Variants in RABGEF1 observed in about 807,000 individuals in gnomAD.
RABGEF1 encodes rab5 GDP/GTP exchange factor.
RABGEF1 carries 26 observed loss-of-function variants against 57.3 expected under a neutral mutation model. That is an observed-to-expected ratio of 0.45 (90% confidence interval 0.33 to 0.63). The LOEUF (loss-of-function observed/expected upper bound fraction) is 0.63, where lower values mean the gene tolerates loss of function less well. Ranked by LOEUF, RABGEF1 falls within the 20% of genes least tolerant of loss-of-function variation. The probability of loss-of-function intolerance (pLI) is 0.02; values close to 1 mark genes in which losing one functional copy is unlikely to be tolerated. For synonymous variants in RABGEF1, 185 were observed against 210.7 expected (o/e 0.88, Z 1.06); for missense variants, 464 against 607.6 (o/e 0.76, Z 2.48).
chr7:66,706,679 G>A (rs574763511), intron 1 of RABGEF1, among the ~76,000 whole-genome samples: 1 of 151,578 alleles, frequency 6.6e-6, no homozygotes, highest in East Asian at 1.9e-4. Context: ...CTCCCAAAGT[G>A]CTAGGATTAC....
intron 4 of RABGEF1, among the ~76,000 whole-genome samples, chr7:66,784,814 C>A (rs1454558533): frequency 1.3e-5 from 2 of 151,358 alleles, no homozygotes; most frequent in East Asian, 3.9e-4. Context: ...TTTTTTCTCT[C>A]TAGAGTAAAA....
chr7:66,654,687 C>A, the RABGEF1 span: 1 of 152,618 alleles, frequency 6.6e-6, no homozygotes, highest in Non-Finnish European at 1.5e-5. Flanking sequence ...AGCGGGGCGG[C>A]CGGGCGTCTC....
At chr7:66,754,394 T>C (rs1003892462) in intron 1 of RABGEF1, among the ~76,000 whole-genome samples, 27 of 151,350 alleles carry the variant, frequency 1.8e-4, no homozygotes, top group Non-Finnish European at 3.5e-4. Context: ...TTTAAAGCCA[T>C]CATACTTTAA....
In RABGEF1 at chr7:66,689,041, C is replaced by G. The variant is rs372845983; in HGVS notation, c.-873+6783C>G. Among the ~76,000 whole-genome samples, 456 of 151,942 alleles carry G rather than the reference C, an allele frequency of 3.0e-3. 2 individuals carry two copies. Among genetic ancestry groups the G allele is most frequent in the Non-Finnish European group, 4.5e-3 (303 of 67,950 alleles). ...CTGGGAGAGGGAGGTTGCAGTGAGC[C>G]GAGATTGCACCACTGCATTCCAGCC... On this transcript the variant is annotated intron_variant and NMD_transcript_variant, in intron 1 of 9. Transcript: ENST00000607882.
At chr7:66,684,737 C>T (rs1790339119) in intron 1 of RABGEF1, among the ~76,000 whole-genome samples, 1 of 152,138 alleles carries the variant, frequency 6.6e-6, no homozygotes, top group African/African-American at 2.4e-5. Context: ...AGGGTTCATG[C>T]CATTCTCCTG....
chr7:66,678,609 GGAGGGAGAGGGATGAAGA>G (rs1789476204), upstream of RABGEF1, among the ~76,000 whole-genome samples: 1 of 151,730 alleles, frequency 6.6e-6, no homozygotes, highest in African/African-American at 2.4e-5. Flanking sequence ...GTGGACCCAG[GGAGGGAGAGGGATGAAGA>G]GACAAGACAA....
chr7:66,777,125 A>T (rs903197380), intron 3 of RABGEF1, among the ~76,000 whole-genome samples: 3 of 152,212 alleles, frequency 2.0e-5, no homozygotes, highest in Non-Finnish European at 4.4e-5. Context: ...TGATAGAATT[A>T]TCTTGCAGGG....
At chr7:66,700,798 C>T (rs952975304) in intron 1 of RABGEF1, among the ~76,000 whole-genome samples, 4 of 152,186 alleles carry the variant, frequency 2.6e-5, no homozygotes, top group African/African-American at 7.2e-5. Flanking sequence ...CAGAATGGCC[C>T]GAGGCCTGGA....
At chr7:66,804,754 AAAG>A in intron 7 of RABGEF1, among the ~76,000 whole-genome samples, 2 of 151,744 alleles carry the variant, frequency 1.3e-5, no homozygotes. Context: ...AAAAAAAAAA[AAAG>A]TGTGGGCTTT....
At chr7:66,684,882 G>T (rs778350668) in intron 1 of RABGEF1, among the ~76,000 whole-genome samples, 1 of 152,140 alleles carries the variant, frequency 6.6e-6, no homozygotes, top group South Asian at 2.1e-4. Context: ...TGGTCTGCCC[G>T]CTTCGGCCTT....
At chr7:66,800,478 C>G (rs1787033211) in intron 7 of RABGEF1, among the ~76,000 whole-genome samples, 2 of 152,126 alleles carry the variant, frequency 1.3e-5, no homozygotes, top group East Asian at 1.9e-4. Context: ...ATTTCTTGTG[C>G]AAGTTCTGAA....
chr7:66,677,592 C>T (rs1017731142), upstream of RABGEF1, among the ~76,000 whole-genome samples: 20 of 151,714 alleles, frequency 1.3e-4, no homozygotes, highest in African/African-American at 4.4e-4. Flanking sequence ...GAAACCCTGT[C>T]TCTACTAAAA....
At chr7:66,807,114 G>A (rs1052558846) in intron 8 of RABGEF1, among the ~76,000 whole-genome samples, 3 of 152,122 alleles carry the variant, frequency 2.0e-5, no homozygotes, top group East Asian at 1.9e-4. Context: ...GTGTTTGAGC[G>A]TAGCCACGGT....
intron 5 of RABGEF1, among the ~76,000 whole-genome samples, chr7:66,796,543 G>A (rs1336573832): frequency 6.6e-6 from 1 of 152,176 alleles, no homozygotes; most frequent in African/African-American, 2.4e-5. Context: ...TAGAACTGAG[G>A]TTGCTGTGGA....
chr7:66,720,774 A>T (rs1179986842), intron 2 of RABGEF1, among the ~76,000 whole-genome samples: 1 of 152,200 alleles, frequency 6.6e-6, no homozygotes, highest in East Asian at 1.9e-4. Flanking sequence ...TATTGCAGAC[A>T]ACATGATCAT....
intron 2 of RABGEF1, among the ~76,000 whole-genome samples, chr7:66,721,377 AAGTC>A (rs1796038221): frequency 6.6e-6 from 1 of 152,218 alleles, no homozygotes; most frequent in Non-Finnish European, 1.5e-5. Flanking sequence ...CAGAAGTCCA[AAGTC>A]AGTCTGTCTG....
intron 2 of RABGEF1, chr7:66,773,912 C>G: frequency 2.4e-6 from 1 of 411,128 alleles, no homozygotes; most frequent in Non-Finnish European, 4.8e-6. Context: ...GTGATCCGGC[C>G]GCCTTGGCCT....
At chr7:66,781,281 G>GA (rs568691789) in intron 3 of RABGEF1, among the ~76,000 whole-genome samples, 3 of 149,570 alleles carry the variant, frequency 2.0e-5, no homozygotes. Flanking sequence ...ATAGAAAAAA[G>GA]AAAAAAAAAT....
chr7:66,661,413 G>A, the RABGEF1 span, among the ~76,000 whole-genome samples: 1 of 151,386 alleles, frequency 6.6e-6, no homozygotes, highest in Admixed American at 6.6e-5. Context: ...AAATGAAATG[G>A]CAAATCTCTA....
Sources: gnomAD v4.1 joint callset for allele counts (sites outside exome capture counted in the v4.1 genomes callset) on GRCh38, gnomAD v4.1.1 for gene constraint, MANE v1.5 for transcripts, NCBI Gene and HGNC (gene_info 2026-07-23, HGNC 2026-07-21) for gene names.